DLGAP2: variants seen among roughly 807,000 people sequenced by gnomAD.
DLGAP2 encodes DLG associated protein 2, also known as disks large-associated protein 2.
Under a neutral mutation model 100.3 loss-of-function variants are expected in DLGAP2, and 26 were observed. The observed-to-expected ratio is 0.26, with a 90% CI of 0.19 to 0.36. DLGAP2 has a LOEUF of 0.36. DLGAP2 is among the 10% of genes least tolerant of loss of function. The pLI is 1.00. For missense variants in DLGAP2, 1,858 were observed against 1,453.2 expected, an observed-to-expected ratio of 1.28 and a Z score of -4.53; for synonymous variants, 886 against 630.1, an observed-to-expected ratio of 1.41 and a Z score of -6.08.
intron 2 of DLGAP2, among the ~76,000 whole-genome samples, chr8:1,045,808 T>C (rs1802497803): frequency 6.6e-6 from 1 of 152,114 alleles, no homozygotes; most frequent in Non-Finnish European, 1.5e-5. Flanking sequence ...CAGCAAACAT[T>C]GGCAGTAAGC....
At chr8:1,555,521 G>A (rs2956893) in intron 5 of DLGAP2, among the ~76,000 whole-genome samples, 51,908 of 152,004 alleles carry the variant, frequency 0.34, 9,488 homozygotes, top group Admixed American at 0.46. Flanking sequence ...CTTGAGTACC[G>A]TCACACAGGG....
In DLGAP2 at chr8:1,237,135, G is replaced by A. The variant is rs1282742412; in HGVS notation, c.74-21716G>A. Among the ~76,000 whole-genome samples, 18 of 15,466 alleles carry A rather than the reference G, an allele frequency of 1.2e-3. 1 individual carries two copies. Among genetic ancestry groups the A allele is most frequent in the East Asian group, 2.8e-3 (3 of 1,080 alleles). 10.1% of individuals were successfully genotyped at this position (15,466 alleles called of 152,430 possible). A position where few individuals can be genotyped will look rare whatever the true frequency, so the allele number is the denominator to read the frequency against. ...GCCTAGTTCTGTCTCACATGGGGCC[G>A]TGTCTAGTTCTCTCACATGGCGCCG... On this transcript the variant is annotated intron_variant, in intron 2 of 14. Transcript: ENST00000637795.
intron 1 of DLGAP2, among the ~76,000 whole-genome samples, chr8:842,341 G>A (rs1207564692): frequency 6.6e-6 from 1 of 152,162 alleles, no homozygotes; most frequent in African/African-American, 2.4e-5. Context: ...TGCAATGATT[G>A]GCTTATATTT....
chr8:1,570,069 T>G (rs1028233139), intron 6 of DLGAP2, among the ~76,000 whole-genome samples: 1 of 152,224 alleles, frequency 6.6e-6, no homozygotes, highest in Non-Finnish European at 1.5e-5. Flanking sequence ...ACCCTGTGTT[T>G]CCAGGAAACA....
chr8:1,558,704 C>G (rs538637125), intron 5 of DLGAP2, among the ~76,000 whole-genome samples: 58 of 146,648 alleles, frequency 4.0e-4, no homozygotes, highest in Middle Eastern at 7.2e-3. Context: ...CACACATACA[C>G]GTATACACAC....
intron 6 of DLGAP2, among the ~76,000 whole-genome samples, chr8:1,624,845 T>TTCTCTCTCTCTCTC (rs372888355): frequency 7.9e-6 from 1 of 126,084 alleles, no homozygotes; most frequent in African/African-American, 3.5e-5. Context: ...TCCCTTTGCT[T>TTCTCTCTCTCTCTC]TCTCTCTCTC....
chr8:1,578,620 CATCTT>C (rs1767502940), intron 6 of DLGAP2, among the ~76,000 whole-genome samples: 1 of 152,160 alleles, frequency 6.6e-6, no homozygotes, highest in Non-Finnish European at 1.5e-5. Context: ...TGTTAAAAAC[CATCTT>C]ATCTTCCTGC....
At chr8:1,236,391 TGCCGTGTCTAGTTCTCTCACATGGC>T (rs1563271045) in intron 2 of DLGAP2, among the ~76,000 whole-genome samples, 64 of 38,636 alleles carry the variant, frequency 1.7e-3, no homozygotes, top group African/African-American at 8.4e-3. Context: ...TATCACATGG[TGCCGTGTCTAGTTCTCTCACATGGC>T]GCCATGTCTA....
At chr8:1,157,392 A>T (rs1415703375) in intron 2 of DLGAP2, among the ~76,000 whole-genome samples, 3 of 152,156 alleles carry the variant, frequency 2.0e-5, no homozygotes, top group Non-Finnish European at 4.4e-5. Flanking sequence ...GTTGTTTTTA[A>T]GAGTACATGC....
intron 3 of DLGAP2, among the ~76,000 whole-genome samples, chr8:1,344,483 C>G (rs1296964693): frequency 6.6e-6 from 1 of 152,212 alleles, no homozygotes; most frequent in Non-Finnish European, 1.5e-5. Flanking sequence ...ACATTAGTTA[C>G]TGAAGCACTT....
chr8:1,300,967 G>C (rs111327055), intron 3 of DLGAP2: 1 of 152,396 alleles, frequency 6.6e-6, no homozygotes, highest in Admixed American at 6.5e-5. Context: ...TGTCCACTCT[G>C]TGCTCATCTG....
intron 2 of DLGAP2, among the ~76,000 whole-genome samples, chr8:995,083 G>C (rs765446211): frequency 2.6e-5 from 4 of 152,116 alleles, no homozygotes; most frequent in African/African-American, 7.2e-5. Flanking sequence ...GTAAATTATT[G>C]AGCAAATGAA....
In DLGAP2 at chr8:904,776, G is replaced by A. The variant is rs146399373; in HGVS notation, c.19-3136G>A. ...AGCACCCGTGGCAGGCAGAACTCAC[G>A]CCTCCTGATCTTTCTCAGCTGCTAA... On this transcript the variant is annotated intron_variant, in intron 1 of 14. Transcript: ENST00000637795. 2.6e-5 allele frequency among the ~76,000 whole-genome samples: 4 copies of A among 152,332 alleles called. No individual in the cohort carries two copies. The East Asian group carries it at 5.8e-4, about 22-fold the overall frequency.
Position 1,290,381 on chromosome 8 carries a change from G to C in DLGAP2, c.106+31498G>C, listed in dbSNP as rs920466052. Reference sequence around the variant, plus strand: ...AAATGGTGCCTACATAGTGACGGCAGGGTTTGAACATCGGGCTGTCTGACC... The same window carrying C: ...AAATGGTGCCTACATAGTGACGGCACGGTTTGAACATCGGGCTGTCTGACC... On this transcript the variant is annotated intron_variant, in intron 3 of 14. Transcript: ENST00000637795. Among the ~76,000 whole-genome samples the C allele has an allele frequency of 3.3e-5, 5 of 152,196 alleles. No individual in the cohort carries two copies. In the East Asian group the frequency reaches 9.6e-4, roughly 29 times the overall value.
chr8:1,497,414 C>G (rs1160046732), intron 3 of DLGAP2, among the ~76,000 whole-genome samples: 2 of 152,172 alleles, frequency 1.3e-5, no homozygotes, highest in African/African-American at 4.8e-5. Context: ...TCTCAGAGCG[C>G]AGAGAGAGCT....
intron 3 of DLGAP2, among the ~76,000 whole-genome samples, chr8:1,444,631 A>G (rs1391713158): frequency 6.6e-6 from 1 of 151,974 alleles, no homozygotes; most frequent in African/African-American, 2.4e-5. Flanking sequence ...TCCCTCCTTC[A>G]GGGTCTTCTT....
intron 2 of DLGAP2, among the ~76,000 whole-genome samples, chr8:970,135 A>T (rs943610314): frequency 6.6e-6 from 1 of 152,142 alleles, no homozygotes; most frequent in African/African-American, 2.4e-5. Flanking sequence ...TTCATTTTGG[A>T]GCTGCAGTCA....
intron 3 of DLGAP2, among the ~76,000 whole-genome samples, chr8:1,483,725 A>AAGGCAGGTGCAGGAGGTGGGGACCAGGG (rs1799168830): frequency 1.1e-4 from 1 of 9,046 alleles, no homozygotes; most frequent in Non-Finnish European, 2.9e-4. Flanking sequence ...GGGGACCAGG[A>AAGGCAGGTGCAGGAGGTGGGGACCAGGG]AGGCAGGTGC....
At chr8:1,379,555 C>G (rs182131107) in intron 3 of DLGAP2, 3 of 152,258 alleles carry the variant, frequency 2.0e-5, no homozygotes, top group African/African-American at 7.2e-5. Flanking sequence ...CATATTCAGT[C>G]TCTTCTTGTA....
Sources: gnomAD v4.1 joint callset for allele counts (sites outside exome capture counted in the v4.1 genomes callset) on GRCh38, gnomAD v4.1.1 for gene constraint, MANE v1.5 for transcripts, NCBI Gene and HGNC (gene_info 2026-07-23, HGNC 2026-07-21) for gene names.